The following PTPRK variants were observed in gnomAD, a reference collection of about 807,000 sequenced individuals.
PTPRK encodes protein tyrosine phosphatase receptor type K, also known as receptor-type tyrosine-protein phosphatase kappa.
PTPRK carries 75 observed loss-of-function variants against 178.0 expected under a neutral mutation model. The observed-to-expected ratio is 0.42, with a 90% CI of 0.35 to 0.51. The LOEUF (loss-of-function observed/expected upper bound fraction) is 0.51, where lower values mean the gene tolerates loss of function less well. PTPRK is among the 20% of genes least tolerant of loss of function. The probability of loss-of-function intolerance (pLI) is 0.02; values close to 1 mark genes in which losing one functional copy is unlikely to be tolerated. For missense variants in PTPRK, 1,441 were observed against 1,797.8 expected, an observed-to-expected ratio of 0.80 and a Z score of 3.59; for synonymous variants, 637 against 620.6, an observed-to-expected ratio of 1.03 and a Z score of -0.39.
intron 5 of PTPRK, among the ~76,000 whole-genome samples, chr6:128,231,712 C>T (rs1020192368): frequency 6.6e-6 from 1 of 152,160 alleles, no homozygotes; most frequent in Non-Finnish European, 1.5e-5. Context: ...GGAACACTTA[C>T]ATGAAATTAT....
chr6:128,016,013 T>A (rs1779556587), intron 13 of PTPRK, among the ~76,000 whole-genome samples: 1 of 151,650 alleles, frequency 6.6e-6, no homozygotes, highest in African/African-American at 2.4e-5. Flanking sequence ...GAAATATCTC[T>A]ACCTGTTTTT....
intron 25 of PTPRK, 57 bp downstream of exon 25, chr6:127,981,059 G>C (rs1271887816): frequency 4.1e-6 from 6 of 1,459,470 alleles, no homozygotes; most frequent in Non-Finnish European, 5.6e-6. Flanking sequence ...CCAGTGTTCA[G>C]TTGCATTATG....
intron 5 of PTPRK, among the ~76,000 whole-genome samples, chr6:128,232,550 A>T (rs1229021399): frequency 6.6e-6 from 1 of 152,208 alleles, no homozygotes; most frequent in East Asian, 1.9e-4. Context: ...GTTCTCCCTT[A>T]TAATCAGCTT....
intron 3 of PTPRK, among the ~76,000 whole-genome samples, chr6:128,297,452 C>G (rs1362223997): frequency 6.6e-6 from 1 of 152,064 alleles, no homozygotes; most frequent in South Asian, 2.1e-4. Flanking sequence ...ACATCTATTC[C>G]AAAATTGACC....
At chr6:128,101,566 T>C (rs1050729782) in intron 7 of PTPRK, among the ~76,000 whole-genome samples, 2 of 152,126 alleles carry the variant, frequency 1.3e-5, no homozygotes, top group African/African-American at 4.8e-5. Context: ...CTTGCTACCA[T>C]TAATATTCAT....
chr6:128,175,046 T>C (rs1279444723), intron 7 of PTPRK, among the ~76,000 whole-genome samples: 1 of 151,858 alleles, frequency 6.6e-6, no homozygotes, highest in Non-Finnish European at 1.5e-5. Flanking sequence ...AGACTTTGAG[T>C]AGCTAGAGAA....
At chr6:128,314,299 A>T (rs1025817289) in intron 3 of PTPRK, among the ~76,000 whole-genome samples, 20 of 152,194 alleles carry the variant, frequency 1.3e-4, no homozygotes, top group African/African-American at 4.3e-4. Context: ...CTAGAGTAGA[A>T]TTCCTGGGAC....
intron 15 of PTPRK, chr6:127,999,815 A>C (rs1175852999): frequency 6.1e-6 from 2 of 330,276 alleles, no homozygotes; most frequent in Non-Finnish European, 8.6e-6. Context: ...TGCCTGATGC[A>C]TAACAGTAAC....
intron 1 of PTPRK, among the ~76,000 whole-genome samples, chr6:128,491,006 A>G (rs914514816): frequency 2.0e-5 from 3 of 152,190 alleles, no homozygotes; most frequent in Admixed American, 2.0e-4. Flanking sequence ...AAATACAATC[A>G]CATTGGGGGT....
Position 128,102,302 on chromosome 6 carries a change from T to C in PTPRK, c.1163-12310A>G, listed in dbSNP as rs76062477. 0.011 allele frequency among the ~76,000 whole-genome samples: 1,720 copies of C among 152,340 alleles called. 120 individuals carry two copies. The East Asian group carries it at 0.21, about 19-fold the overall frequency. ...AAGGTGAATAAGACATGACTCCTTT[T>C]CTTATATAACTCACTGTGTGATAAA... On this transcript the variant is annotated intron_variant, in intron 7 of 29. Coordinates refer to ENST00000368226, the MANE Select transcript of PTPRK (RefSeq NM_002844.4).
chr6:128,413,418 A>C (rs952853849), intron 1 of PTPRK, among the ~76,000 whole-genome samples: 8 of 152,266 alleles, frequency 5.3e-5, no homozygotes, highest in African/African-American at 1.9e-4. Flanking sequence ...AGGAGTTGCG[A>C]AAGACTCCCA....
chr6:128,174,262 A>G (rs1800724190), intron 7 of PTPRK, among the ~76,000 whole-genome samples: 1 of 151,998 alleles, frequency 6.6e-6, no homozygotes, highest in South Asian at 2.1e-4. Flanking sequence ...GATGTGAAGG[A>G]AAAATGTTTA....
intron 3 of PTPRK, among the ~76,000 whole-genome samples, chr6:128,257,663 A>T (rs1339465573): frequency 6.6e-6 from 1 of 152,214 alleles, no homozygotes; most frequent in Non-Finnish European, 1.5e-5. Context: ...ATGCAATAAC[A>T]AGTGTTTAAA....
intron 13 of PTPRK, among the ~76,000 whole-genome samples, chr6:128,038,735 A>AT (rs1273053017): frequency 1.3e-5 from 2 of 152,126 alleles, no homozygotes; most frequent in East Asian, 1.9e-4. Flanking sequence ...TAAATGTTTG[A>AT]TTTTTTTCAT....
intron 3 of PTPRK, among the ~76,000 whole-genome samples, chr6:128,273,894 A>G (rs1223374015): frequency 1.3e-5 from 2 of 152,140 alleles, no homozygotes; most frequent in African/African-American, 4.8e-5. Flanking sequence ...CAGCAAGCAA[A>G]ATGAAAACTC....
chr6:128,473,188 G>A (rs1850928894), intron 1 of PTPRK, among the ~76,000 whole-genome samples: 2 of 151,946 alleles, frequency 1.3e-5, no homozygotes, highest in Admixed American at 1.3e-4. Context: ...ACACTGCCAT[G>A]AAAGAATATA....
intron 2 of PTPRK, among the ~76,000 whole-genome samples, chr6:128,363,631 C>A (rs1342250458): frequency 6.6e-6 from 1 of 152,114 alleles, no homozygotes; most frequent in African/African-American, 2.4e-5. Context: ...TGCAGTCTCA[C>A]TGGAAACAGA....
At chr6:128,505,104 C>CTTT (rs1491132852) in intron 1 of PTPRK, among the ~76,000 whole-genome samples, 3 of 142,830 alleles carry the variant, frequency 2.1e-5, no homozygotes, top group African/African-American at 5.1e-5. Flanking sequence ...AAGAAATTTA[C>CTTT]TTGTTTTTTT....
At chr6:128,450,667 C>G (rs2128405963) in intron 1 of PTPRK, among the ~76,000 whole-genome samples, 1 of 152,298 alleles carries the variant, frequency 6.6e-6, no homozygotes. Flanking sequence ...AGAACTAAGG[C>G]AGGGGCAACA....
Sources: allele counts gnomAD v4.1 joint callset (sites outside exome capture counted in the v4.1 genomes callset), GRCh38; gene constraint gnomAD v4.1.1; transcripts MANE v1.5; gene names NCBI Gene and HGNC (gene_info 2026-07-23, HGNC 2026-07-21).